ANKRD44: variants seen among roughly 807,000 people sequenced by gnomAD.
The protein encoded by ANKRD44 is ankyrin repeat domain 44.
In ANKRD44, 35 loss-of-function variants were observed where a neutral mutation model predicts 116.0. The observed-to-expected ratio is 0.30, with a 90% CI of 0.23 to 0.40. The LOEUF (loss-of-function observed/expected upper bound fraction) is 0.40. ANKRD44 is among the 10% of genes least tolerant of loss of function. The pLI is 1.00. For synonymous variants in ANKRD44, 435 were observed against 461.8 expected, an observed-to-expected ratio of 0.94 and a Z score of 0.74; for missense variants, 1,014 against 1,242.6, an observed-to-expected ratio of 0.82 and a Z score of 2.77.
chr2:196,967,576 TA>T (rs1220958297), intron 21 of ANKRD44: 1 of 370,498 alleles, frequency 2.7e-6, no homozygotes, highest in African/African-American at 2.1e-5. Flanking sequence ...AATGCTCAAG[TA>T]AGGAAAATAT....
In ANKRD44 at chr2:196,988,984, T is replaced by C; in HGVS notation, c.*607A>G. The C allele has an allele frequency of 1.0e-6, 1 of 985,484 alleles. No individual in the cohort carries two copies. Among genetic ancestry groups the C allele is most frequent in the African/African-American group, 1.7e-5 (1 of 57,382 alleles). 61.0% of individuals were successfully genotyped at this position (985,484 alleles called of 1,614,324 possible). ...CTGCAATGTCTTCTAAGCTCTAAGC[T>C]GGCTACAGACTGTGGCTGAGCAGTA... On this transcript the variant is annotated 3_prime_UTR_variant, in exon 28 of 28. Coordinates refer to ENST00000282272, the MANE Select transcript of ANKRD44 (RefSeq NM_001195144.2).
chr2:197,294,097 G>T (rs978027543), intron 1 of ANKRD44, among the ~76,000 whole-genome samples: 2 of 152,024 alleles, frequency 1.3e-5, no homozygotes, highest in Non-Finnish European at 1.5e-5. Flanking sequence ...TGAAAAATGG[G>T]GATTCTAATG....
intron 16 of ANKRD44, among the ~76,000 whole-genome samples, chr2:197,071,926 C>A (rs1224230195): frequency 1.3e-5 from 2 of 152,124 alleles, no homozygotes; most frequent in Admixed American, 1.3e-4. Flanking sequence ...CCAACCCTTA[C>A]TAGGCTGCCT....
At chr2:197,078,417 G>A in intron 16 of ANKRD44, 1 of 618,664 alleles carries the variant, frequency 1.6e-6, no homozygotes, top group Non-Finnish European at 2.4e-6. Flanking sequence ...CCATGGCAAT[G>A]CTGGTGTTAG....
intron 6 of ANKRD44, 86 bp downstream of exon 6, chr2:197,125,295 G>C: frequency 7.8e-7 from 1 of 1,277,820 alleles, no homozygotes; most frequent in East Asian, 2.3e-5. Context: ...AGTCAGACTG[G>C]AGAAAACCTA....
In ANKRD44 at chr2:197,283,272, A is replaced by T. The variant is rs143166961; in HGVS notation, c.27+27306T>A. On this transcript the variant is annotated intron_variant, in intron 1 of 27. Coordinates refer to ENST00000282272, the MANE Select transcript of ANKRD44 (RefSeq NM_001195144.2). The stretch of plus-strand genomic sequence containing the variant: ...ATTTTATTATAGCAAAACCTATTAA[A>T]TTTTTTAAAGCCCATTATGATAAAA... Among the ~76,000 whole-genome samples, 3 of 152,320 alleles carry T rather than the reference A, an allele frequency of 2.0e-5. No individual in the cohort carries two copies. In the South Asian group the frequency reaches 6.2e-4, roughly 32 times the overall value.
At chr2:197,165,247 G>T (rs1251410632) in intron 2 of ANKRD44, among the ~76,000 whole-genome samples, 1 of 152,234 alleles carries the variant, frequency 6.6e-6, no homozygotes, top group East Asian at 1.9e-4. Context: ...AGAGGAAGGA[G>T]AATATGTCCA....
At chr2:196,978,516 C>T (rs1359442081) in intron 21 of ANKRD44, among the ~76,000 whole-genome samples, 2 of 152,210 alleles carry the variant, frequency 1.3e-5, no homozygotes, top group East Asian at 3.9e-4. Context: ...CACAAAGAGC[C>T]ACATAGTGTA....
In ANKRD44 at chr2:197,240,639, C is replaced by T. The variant is rs554136554; in HGVS notation, c.28-53533G>A. On this transcript the variant is annotated intron_variant, in intron 1 of 27. Coordinates refer to ENST00000282272, the MANE Select transcript of ANKRD44 (RefSeq NM_001195144.2). ...CTAGCAAGTCTCTCTCTGTGGGTGA[C>T]AATGTTGGTGCCCAGTTTAGATTCA... Among the ~76,000 whole-genome samples, 3 of 150,720 alleles carry T rather than the reference C, an allele frequency of 2.0e-5. No homozygotes were observed. The East Asian group carries it at 5.8e-4, about 29-fold the overall frequency.
intron 1 of ANKRD44, among the ~76,000 whole-genome samples, chr2:197,238,920 G>C (rs113580763): frequency 4.6e-5 from 7 of 152,190 alleles, no homozygotes; most frequent in African/African-American, 1.4e-4. Flanking sequence ...GGCCAGGCTG[G>C]TCTTGAACTC....
At chr2:197,300,945 G>A (rs1054063578) in intron 1 of ANKRD44, 1 of 151,808 alleles carries the variant, frequency 6.6e-6, no homozygotes, top group Admixed American at 6.6e-5. Flanking sequence ...TGTATTTTTA[G>A]TAGAAATGGG....
At chr2:197,136,496 G>T in intron 4 of ANKRD44, 96 bp downstream of exon 4, 2 of 1,159,920 alleles carry the variant, frequency 1.7e-6, no homozygotes, top group Non-Finnish European at 2.6e-6. Flanking sequence ...AGAGGTAAAA[G>T]CCTTCTGCTT....
At chr2:197,310,030 C>T (rs1446040468) in intron 1 of ANKRD44, among the ~76,000 whole-genome samples, 1 of 152,194 alleles carries the variant, frequency 6.6e-6, no homozygotes, top group Non-Finnish European at 1.5e-5. Context: ...CAGGGGTCCC[C>T]ATCCCGCACC....
At chr2:197,180,105 A>G (rs769808495) in intron 2 of ANKRD44, among the ~76,000 whole-genome samples, 2 of 151,466 alleles carry the variant, frequency 1.3e-5, no homozygotes, top group African/African-American at 2.4e-5. Context: ...AACAGTGTCA[A>G]CGTTTAAAGT....
rs2075867563 is a variant in ANKRD44 at position 196,988,726 on chromosome 2, G to A, written c.*865C>T. On this transcript the variant is annotated 3_prime_UTR_variant, in exon 28 of 28. Coordinates refer to ENST00000282272, the MANE Select transcript of ANKRD44 (RefSeq NM_001195144.2). ...ACGTCAGAGAGTACTGCTCTAATTC[G>A]ACACATTTCTTTTCTGTCTCTTCCT... is the stretch of plus-strand genomic sequence containing the variant. 2 of 985,354 alleles carry A rather than the reference G, an allele frequency of 2.0e-6. No individual in the cohort carries two copies. The highest frequency in any genetic ancestry group is 6.1e-5 in the Admixed American group (1 of 16,274). 61.0% of individuals were successfully genotyped at this position (985,354 alleles called of 1,614,324 possible). A position where few individuals can be genotyped will look rare whatever the true frequency, so the allele number is the denominator to read the frequency against.
At chr2:197,242,323 T>C (rs2082106560) in intron 1 of ANKRD44, among the ~76,000 whole-genome samples, 1 of 152,188 alleles carries the variant, frequency 6.6e-6, no homozygotes. Context: ...TCATTTCAGT[T>C]TGATAATCAC....
At chr2:197,299,033 A>G (rs2083813413) in intron 1 of ANKRD44, among the ~76,000 whole-genome samples, 1 of 152,224 alleles carries the variant, frequency 6.6e-6, no homozygotes, top group African/African-American at 2.4e-5. Flanking sequence ...ATCATCAAAT[A>G]TCCAGTCAGT....
In ANKRD44 at chr2:196,986,852, T is replaced by C; in HGVS notation, c.*2739A>G. On this transcript the variant is annotated 3_prime_UTR_variant, in exon 28 of 28. Coordinates refer to ENST00000282272, the MANE Select transcript of ANKRD44 (RefSeq NM_001195144.2). ...AACTAAAAGTCATTTTCCCCATTTT[T>C]ACAGTCATGACATTTACCAGAGTCA... The C allele has an allele frequency of 1.0e-6, 1 of 985,446 alleles. No individual in the cohort carries two copies. The highest frequency in any genetic ancestry group is 4.7e-5 in the South Asian group (1 of 21,292). 61.0% of individuals were successfully genotyped at this position (985,446 alleles called of 1,614,324 possible). A position where few individuals can be genotyped will look rare whatever the true frequency, so the allele number is the denominator to read the frequency against.
intron 19 of ANKRD44, 87 bp from the exon 20 acceptor site, chr2:197,008,010 A>G (rs1445305872): frequency 1.1e-5 from 6 of 536,756 alleles, no homozygotes; most frequent in East Asian, 4.3e-5. Flanking sequence ...TCTTTCTCCC[A>G]TTCTCTTCCC....
Sources: gnomAD v4.1 joint callset for allele counts (sites outside exome capture counted in the v4.1 genomes callset) on GRCh38, gnomAD v4.1.1 for gene constraint, MANE v1.5 for transcripts, NCBI Gene and HGNC (gene_info 2026-07-23, HGNC 2026-07-21) for gene names.